The following EFCAB5 variants were observed in gnomAD, a reference collection of about 807,000 sequenced individuals.
The protein encoded by EFCAB5 is EF-hand calcium-binding domain-containing protein 5.
In EFCAB5, 131 loss-of-function variants were observed where a neutral mutation model predicts 167.9. That is an observed-to-expected ratio of 0.78 (90% CI 0.68 to 0.90). The LOEUF (loss-of-function observed/expected upper bound fraction) is 0.90. Ranked by LOEUF, EFCAB5 falls within the 40% of genes least tolerant of loss-of-function variation. The probability of loss-of-function intolerance (pLI) is 0.00; values close to 1 mark genes in which losing one functional copy is unlikely to be tolerated. For missense variants in EFCAB5, 1,663 were observed against 1,745.2 expected, an observed-to-expected ratio of 0.95 and a Z score of 0.84; for synonymous variants, 574 against 602.8, an observed-to-expected ratio of 0.95 and a Z score of 0.70.
intron 3 of EFCAB5, chr17:29,950,564 G>T (rs2067488765): frequency 6.6e-6 from 1 of 151,862 alleles, no homozygotes; most frequent in Admixed American, 6.6e-5. Context: ...TGCAGAGACT[G>T]GGTCTTGCTA....
At chr17:30,025,934 C>T (rs2069308027) in intron 7 of EFCAB5, among the ~76,000 whole-genome samples, 1 of 151,916 alleles carries the variant, frequency 6.6e-6, no homozygotes, top group Non-Finnish European at 1.5e-5. Context: ...AAACCAAACA[C>T]CACATGTTCT....
intron 19 of EFCAB5, among the ~76,000 whole-genome samples, chr17:30,088,989 G>A (rs947739119): frequency 6.6e-6 from 1 of 151,558 alleles, no homozygotes; most frequent in Non-Finnish European, 1.5e-5. Flanking sequence ...TGTGCATAAC[G>A]TGCAGGTTTG....
At position 30,059,656 on chromosome 17, in the gene EFCAB5, T is replaced by C. The variant is rs1488288346; in HGVS notation, c.2692T>C (p.Leu898=). 6.2e-7 allele frequency: 1 copy of C among 1,609,810 alleles called. No homozygotes were observed. The highest frequency in any genetic ancestry group is 8.5e-7 in the Non-Finnish European group (1 of 1,177,210). Residue 898 remains leucine (L), a synonymous_variant, in exon 14 of 23, where the codon TTG becomes CTG. Coordinates refer to ENST00000394835, the MANE Select transcript of EFCAB5 (RefSeq NM_198529.4). ...GGATCTGAAGGAAGTTGATGAACTCTTGTACACATACAAGGAGGGAATGGA... is the reference window on the plus strand; with the variant it reads ...GGATCTGAAGGAAGTTGATGAACTCCTGTACACATACAAGGAGGGAATGGA... ...FLDLKEVDEL[L]YTYKEGMEKE...
At chr17:29,956,027 C>G (rs1330452967) in intron 3 of EFCAB5, among the ~76,000 whole-genome samples, 5 of 152,160 alleles carry the variant, frequency 3.3e-5, no homozygotes, top group Non-Finnish European at 7.4e-5. Context: ...CTACAACTAT[C>G]TGATCTTTGA....
At chr17:30,052,523 C>A (rs1357064761) in intron 9 of EFCAB5, among the ~76,000 whole-genome samples, 1 of 152,158 alleles carries the variant, frequency 6.6e-6, no homozygotes, top group Non-Finnish European at 1.5e-5. Flanking sequence ...ACTTACAAAT[C>A]TGTGGGTGAT....
In EFCAB5 at chr17:30,017,780, C is replaced by T. The variant is rs184890800; in HGVS notation, c.1045-16450C>T. Among the ~76,000 whole-genome samples the T allele has an allele frequency of 1.3e-3, 195 of 152,088 alleles. 3 individuals are homozygous for T. The highest frequency in any genetic ancestry group is 3.4e-3 in the Middle Eastern group (1 of 292). On this transcript the variant is annotated intron_variant, in intron 7 of 22. Coordinates refer to ENST00000394835, the MANE Select transcript of EFCAB5 (RefSeq NM_198529.4). ...TATTTTCTCATATCTTTCTTTTTGT[C>T]TATTTCCCAGTTTTAGTTATTTTAT... is the stretch of plus-strand genomic sequence containing the variant.
At chr17:30,068,033 C>T (rs11868763) in intron 14 of EFCAB5, among the ~76,000 whole-genome samples, 3 of 152,044 alleles carry the variant, frequency 2.0e-5, no homozygotes, top group East Asian at 1.9e-4. Context: ...AGGCCGGGCG[C>T]GGTGGCTCAC....
chr17:29,938,870 G>A (rs113486994), upstream of EFCAB5, among the ~76,000 whole-genome samples: 1 of 152,070 alleles, frequency 6.6e-6, no homozygotes, highest in African/African-American at 2.4e-5. Context: ...CATCCATGAG[G>A]GTTGGAATCA....
intron 14 of EFCAB5, among the ~76,000 whole-genome samples, chr17:30,060,049 C>A (rs555853076): frequency 4.5e-4 from 68 of 152,206 alleles, no homozygotes; most frequent in Non-Finnish European, 8.2e-4. Flanking sequence ...ATATTAGAAG[C>A]CTTGTGCATT....
intron 3 of EFCAB5, among the ~76,000 whole-genome samples, chr17:29,947,210 T>TAC (rs1449236609): frequency 6.6e-6 from 1 of 151,344 alleles, no homozygotes; most frequent in East Asian, 1.9e-4. Context: ...GTGGTATATA[T>TAC]ACACCATGGA....
At chr17:29,937,064 G>A (rs560356036), upstream of EFCAB5, among the ~76,000 whole-genome samples, 152 of 152,342 alleles carry the variant, frequency 1.0e-3, no homozygotes, top group African/African-American at 3.6e-3. Flanking sequence ...AAGAGGAGGT[G>A]CAAGTGGAGG....
chr17:30,039,800 A>G (rs2069720275), intron 8 of EFCAB5, among the ~76,000 whole-genome samples: 1 of 152,184 alleles, frequency 6.6e-6, no homozygotes, highest in African/African-American at 2.4e-5. Context: ...ATGGTTTAGG[A>G]TCAGAGGTCA....
upstream of EFCAB5, among the ~76,000 whole-genome samples, chr17:29,941,222 G>A (rs999269175): frequency 6.6e-6 from 1 of 152,046 alleles, no homozygotes; most frequent in Non-Finnish European, 1.5e-5. Context: ...GCAGTGATTT[G>A]ATAATCTGTG....
At chr17:30,016,110 T>C (rs1196931341) in intron 7 of EFCAB5, among the ~76,000 whole-genome samples, 1 of 152,198 alleles carries the variant, frequency 6.6e-6, no homozygotes, top group Non-Finnish European at 1.5e-5. Flanking sequence ...CTGTTCTTTA[T>C]ATATTCAATC....
chr17:29,987,485 TG>T (rs1312776508), intron 4 of EFCAB5, among the ~76,000 whole-genome samples: 3 of 152,216 alleles, frequency 2.0e-5, no homozygotes, highest in African/African-American at 7.2e-5. Context: ...CCAAACCAGT[TG>T]TTCTGCTTCT....
rs1207311127 is a variant in EFCAB5, at chr17:30,107,876, T to C, written c.4364T>C (p.Ile1455Thr). 6 of 1,585,530 alleles carry C rather than the reference T, an allele frequency of 3.8e-6. No homozygotes were observed. Among genetic ancestry groups the C allele is most frequent in the East Asian group, 4.7e-5 (2 of 42,934 alleles). ...TEVWKFGNVV[I>T]EHLYHWIHIC... is the part of the protein sequence containing the mutation. The stretch of plus-strand genomic sequence containing the variant: ...GTATGGAAATTTGGTAATGTTGTCA[T>C]TGAACATCTATACCACTGGATACAC... Residue 1455 changes from isoleucine (I) to threonine (T), a missense_variant, in exon 23 of 23, where the codon ATT becomes ACT. Transcript: ENST00000394835.
upstream of EFCAB5, among the ~76,000 whole-genome samples, chr17:29,940,237 A>C (rs1567666669): frequency 6.6e-6 from 1 of 152,060 alleles, no homozygotes; most frequent in Non-Finnish European, 1.5e-5. Flanking sequence ...CAACACACCC[A>C]GCTACTTTTT....
chr17:30,056,694 T>C (rs1319866933), intron 12 of EFCAB5, among the ~76,000 whole-genome samples: 1 of 152,214 alleles, frequency 6.6e-6, no homozygotes, highest in African/African-American at 2.4e-5. Flanking sequence ...TGCTACTATA[T>C]TGTTTTGCCT....
In EFCAB5 at chr17:29,941,719, T is replaced by C. The variant is rs750113241; in HGVS notation, c.-78T>C. On this transcript the variant is annotated 5_prime_UTR_variant, in exon 1 of 23. Coordinates refer to ENST00000394835, the MANE Select transcript of EFCAB5 (RefSeq NM_198529.4). ...TGGAGTACTTTGTGATGTTTATTAA[T>C]ATTTTCTTTCTTTTTGTTATTAATA... 108 of 1,316,544 alleles carry C rather than the reference T, an allele frequency of 8.2e-5. 1 individual carries two copies. Among genetic ancestry groups the C allele is most frequent in the Admixed American group, 3.9e-4 (18 of 46,222 alleles). The allele number at this position is 1,316,544 out of a possible 1,614,324, so 81.6% of individuals were successfully genotyped here.
Sources: allele counts gnomAD v4.1 joint callset (sites outside exome capture counted in the v4.1 genomes callset), GRCh38; gene constraint gnomAD v4.1.1; transcripts MANE v1.5; gene names NCBI Gene and HGNC (gene_info 2026-07-23, HGNC 2026-07-21).